The following WDR27 variants were observed in gnomAD, a reference collection of about 807,000 sequenced individuals.
The protein encoded by WDR27 is WD repeat-containing protein 27.
A neutral mutation model predicts 114.4 loss-of-function variants in WDR27; 100 were observed. The observed-to-expected ratio is 0.87, with a 90% confidence interval of 0.74 to 1.03. The LOEUF is 1.03. Among genes scored for constraint, WDR27 ranks in the 50% least tolerant of loss-of-function variants. WDR27 has a pLI of 0.00. For synonymous variants in WDR27, 449 were observed against 423.1 expected (o/e 1.06, Z -0.75); for missense variants, 1,129 against 1,092.9 (o/e 1.03, Z -0.47).
chr6:169,617,670 C>T (rs750532318), intron 21 of WDR27, among the ~76,000 whole-genome samples: 1 of 152,196 alleles, frequency 6.6e-6, no homozygotes, highest in African/African-American at 2.4e-5. Flanking sequence ...GCCACTGTGC[C>T]CAGCCGCCCA....
intron 22 of WDR27, among the ~76,000 whole-genome samples, chr6:169,603,167 T>G (rs1216913224): frequency 1.5e-5 from 2 of 136,492 alleles, no homozygotes; most frequent in Non-Finnish European, 3.1e-5. Flanking sequence ...TTTTTTTTTT[T>G]GAGACAGAGT....
chr6:169,481,716 G>GATGAACAACTCCAGACGGGAGGA (rs920528715), intron 25 of WDR27, among the ~76,000 whole-genome samples: 3 of 151,862 alleles, frequency 2.0e-5, no homozygotes, highest in Admixed American at 1.3e-4. Context: ...CACTGGGAGA[G>GATGAACAACTCCAGACGGGAGGA]ATGAACAACT....
At chr6:169,488,241 G>A (rs1332559524) in intron 25 of WDR27, among the ~76,000 whole-genome samples, 4 of 152,208 alleles carry the variant, frequency 2.6e-5, no homozygotes, top group East Asian at 1.9e-4. Context: ...TTAGAGCAGC[G>A]TCTCTAGCGT....
In WDR27 at chr6:169,638,598, C is replaced by T; in HGVS notation, c.1810G>A (p.Ala604Thr). Residue 604 changes from alanine (A) to threonine (T), a missense_variant, in exon 18 of 26, where the codon GCC becomes ACC. Ala to Thr is a moderately conservative substitution (Grantham distance 58). Transcript: ENST00000448612. ...CACATTCGCAGGGTCCCGTCCCGGG[C>T]CGCAGAGAGCAGCCACCTCCGGTCC... ...SQDRRWLLSA[A>T]RDGTLRMWSA... 1.2e-6 allele frequency: 2 copies of T among 1,609,080 alleles called. No homozygotes were observed. Among genetic ancestry groups the T allele is most frequent in the Non-Finnish European group, 1.7e-6 (2 of 1,178,046 alleles).
At chr6:169,682,408 C>T (rs1241692551) in intron 2 of WDR27, among the ~76,000 whole-genome samples, 3 of 152,186 alleles carry the variant, frequency 2.0e-5, no homozygotes, top group Admixed American at 2.0e-4. Context: ...CCACAGAGCC[C>T]CAGTACCCAC....
At chr6:169,500,396 G>A (rs1791014270) in intron 25 of WDR27, among the ~76,000 whole-genome samples, 1 of 151,496 alleles carries the variant, frequency 6.6e-6, no homozygotes, top group South Asian at 2.1e-4. Flanking sequence ...AGCTGCTGCT[G>A]AACTAATGCT....
chr6:169,667,076 T>G, intron 6 of WDR27, 60 bp downstream of exon 6: 1 of 1,447,766 alleles, frequency 6.9e-7, no homozygotes, highest in Non-Finnish European at 9.1e-7. Flanking sequence ...TGTAATATGC[T>G]CTAGAAAAAG....
At chr6:169,446,036 G>A in the WDR27 span, among the ~76,000 whole-genome samples, 1 of 152,258 alleles carries the variant, frequency 6.6e-6, no homozygotes, top group Admixed American at 6.5e-5. Flanking sequence ...CACTTACCCA[G>A]TGAAACAGGG....
chr6:169,598,060 TTG>T, intron 23 of WDR27, among the ~76,000 whole-genome samples: 1 of 152,146 alleles, frequency 6.6e-6, no homozygotes, highest in East Asian at 1.9e-4. Context: ...AAACCAGGGT[TTG>T]TGTAGTAGTT....
In WDR27 at chr6:169,644,941, G is replaced by A. The variant is rs1223068195; in HGVS notation, c.1658-1155C>T. On this transcript the variant is annotated intron_variant, in intron 16 of 25. Coordinates refer to ENST00000448612, the MANE Select transcript of WDR27 (RefSeq NM_182552.5). The stretch of plus-strand genomic sequence containing the variant: ...GGAGAATGGCGTGAACCCGGGAGGC[G>A]GAGCTTGCAGTGAGCCGAGATCCCG... Among the ~76,000 whole-genome samples the A allele has an allele frequency of 7.6e-3, 674 of 88,734 alleles. 114 individuals are homozygous for A. Among genetic ancestry groups the A allele is most frequent in the Admixed American group, 0.012 (92 of 7,854 alleles). 58.2% of individuals were successfully genotyped at this position (88,734 alleles called of 152,430 possible). A position where few individuals can be genotyped will look rare whatever the true frequency, so the allele number is the denominator to read the frequency against.
At chr6:169,671,399 G>GT (rs1179885036) in intron 3 of WDR27, 7 of 152,318 alleles carry the variant, frequency 4.6e-5, no homozygotes, top group Non-Finnish European at 7.3e-5. Context: ...AGACACACAT[G>GT]TTCATGTCCC....
chr6:169,667,912 A>G, intron 5 of WDR27, 70 bp downstream of exon 5: 1 of 1,440,932 alleles, frequency 6.9e-7, no homozygotes, highest in Non-Finnish European at 9.3e-7. Flanking sequence ...GCAACCGCAC[A>G]GCTCCCGTCA....
intron 25 of WDR27, among the ~76,000 whole-genome samples, chr6:169,567,597 A>G (rs1800706348): frequency 6.6e-6 from 1 of 152,090 alleles, no homozygotes; most frequent in East Asian, 1.9e-4. Context: ...TCCAATAACC[A>G]CAAGCAAGAC....
Position 169,688,985 on chromosome 6 carries a change from A to C in WDR27, c.21T>G (p.Ile7Met). Residue 7 changes from isoleucine (I) to methionine (M), a missense_variant, in exon 2 of 26, where the codon ATT (isoleucine) becomes ATG (methionine). Coordinates refer to ENST00000448612, the MANE Select transcript of WDR27 (RefSeq NM_182552.5). Reference protein sequence around the residue: MENPQDIFSSNGGCLSD... With the variant: MENPQDMFSSNGGCLSD... ...TTAGACAGCCACCATTACTTGAGAA[A>C]ATGTCTTGGGGATTTTCCATCTTCA... 6.2e-7 allele frequency: 1 copy of C among 1,612,714 alleles called. No homozygotes were observed. The highest frequency in any genetic ancestry group is 8.5e-7 in the Non-Finnish European group (1 of 1,179,428).
At chr6:169,496,488 T>C (rs1363486633) in intron 25 of WDR27, among the ~76,000 whole-genome samples, 2 of 152,164 alleles carry the variant, frequency 1.3e-5, no homozygotes, top group South Asian at 2.1e-4. Flanking sequence ...GTCATCTAAA[T>C]AGGAAGGGGA....
At chr6:169,665,659 A>G in intron 6 of WDR27, 103 bp from the exon 7 acceptor site, 1 of 1,096,962 alleles carries the variant, frequency 9.1e-7, no homozygotes, top group Non-Finnish European at 1.3e-6. Flanking sequence ...ATATTTACTT[A>G]CAGTATTTCT....
chr6:169,487,301 G>A (rs943497665), intron 25 of WDR27, among the ~76,000 whole-genome samples: 1 of 152,148 alleles, frequency 6.6e-6, no homozygotes, highest in Non-Finnish European at 1.5e-5. Context: ...CCAGAAATAT[G>A]TCTCCTCCAC....
At chr6:169,498,952 C>T (rs1241447417) in intron 25 of WDR27, among the ~76,000 whole-genome samples, 2 of 152,114 alleles carry the variant, frequency 1.3e-5, no homozygotes, top group African/African-American at 2.4e-5. Flanking sequence ...TGCATACCTG[C>T]GCAGAACTGC....
At chr6:169,649,957 C>T (rs1244145590) in intron 14 of WDR27, among the ~76,000 whole-genome samples, 1 of 146,952 alleles carries the variant, frequency 6.8e-6, no homozygotes, top group East Asian at 2.1e-4. Flanking sequence ...CTCCATCCCC[C>T]ACCATCCATG....
Sources: allele counts gnomAD v4.1 joint callset (sites outside exome capture counted in the v4.1 genomes callset), GRCh38; gene constraint gnomAD v4.1.1; transcripts MANE v1.5; gene names NCBI Gene and HGNC (gene_info 2026-07-23, HGNC 2026-07-21).